The following DYM variants were observed in gnomAD, a reference collection of about 807,000 sequenced individuals.
The protein encoded by DYM is dyggve-Melchior-Clausen syndrome protein.
DYM carries 78 observed loss-of-function variants against 93.1 expected under a neutral mutation model. The observed-to-expected ratio is 0.84, with a 90% CI of 0.70 to 1.01. The LOEUF is 1.01. DYM is among the 50% of genes least tolerant of loss of function. The pLI is 0.00. For missense variants in DYM, 789 were observed against 845.0 expected (o/e 0.93, Z 0.82); for synonymous variants, 321 against 319.7 (o/e 1.00, Z -0.04).
At chr18:49,383,817 C>A (rs111520366) in intron 3 of DYM, among the ~76,000 whole-genome samples, 26 of 152,284 alleles carry the variant, frequency 1.7e-4, no homozygotes, top group African/African-American at 5.3e-4. Context: ...ATAGTAGGTG[C>A]TCCATAAATA....
At chr18:49,292,351 G>GACACACAC (rs1293664967) in intron 8 of DYM, among the ~76,000 whole-genome samples, 25 of 106,686 alleles carry the variant, frequency 2.3e-4, no homozygotes, top group South Asian at 7.1e-4. Context: ...CAGACAGACA[G>GACACACAC]ACAGACACAC....
intron 13 of DYM, among the ~76,000 whole-genome samples, chr18:49,241,967 C>G (rs2094022489): frequency 6.6e-6 from 1 of 152,194 alleles, no homozygotes; most frequent in African/African-American, 2.4e-5. Context: ...TGCGAGTTAT[C>G]AACCATTTTC....
At chr18:49,156,458 G>C (rs189584408) in intron 15 of DYM, among the ~76,000 whole-genome samples, 2 of 151,988 alleles carry the variant, frequency 1.3e-5, no homozygotes, top group African/African-American at 4.8e-5. Flanking sequence ...ATGGCCAGGC[G>C]TGGTGGCTCA....
At chr18:49,304,154 A>G (rs924217912) in intron 8 of DYM, among the ~76,000 whole-genome samples, 12 of 152,166 alleles carry the variant, frequency 7.9e-5, no homozygotes, top group African/African-American at 1.9e-4. Context: ...TCCCTGGTTA[A>G]CCCTACACAA....
chr18:49,166,756 T>C (rs1208446818), intron 14 of DYM, among the ~76,000 whole-genome samples: 1 of 152,106 alleles, frequency 6.6e-6, no homozygotes, highest in African/African-American at 2.4e-5. Context: ...TAAAAGAACT[T>C]TGGGTAGTCA....
At chr18:49,185,532 T>C (rs1038830399) in intron 14 of DYM, among the ~76,000 whole-genome samples, 33 of 152,202 alleles carry the variant, frequency 2.2e-4, no homozygotes, top group African/African-American at 7.2e-4. Context: ...TACTGAAATA[T>C]TGCTAGAAAT....
chr18:49,391,495 A>G, intron 3 of DYM, 98 bp downstream of exon 3: 4 of 1,225,928 alleles, frequency 3.3e-6, no homozygotes, highest in Non-Finnish European at 4.8e-6. Flanking sequence ...ATTGCTATCA[A>G]AGAAGAGTAA....
chr18:49,332,494 T>C (rs962026531), intron 7 of DYM, among the ~76,000 whole-genome samples: 4 of 152,134 alleles, frequency 2.6e-5, no homozygotes, highest in Non-Finnish European at 5.9e-5. Flanking sequence ...TATCTGGCAA[T>C]TGAAGGGAAG....
At chr18:49,112,486 T>A (rs1236889365) in intron 16 of DYM, among the ~76,000 whole-genome samples, 1 of 152,136 alleles carries the variant, frequency 6.6e-6, no homozygotes. Flanking sequence ...GAGGGGTGGG[T>A]GGGCCGATGA....
chr18:49,121,840 A>G (rs1445952005), intron 15 of DYM, among the ~76,000 whole-genome samples: 1 of 152,218 alleles, frequency 6.6e-6, no homozygotes, highest in Non-Finnish European at 1.5e-5. Context: ...TCAAATATGA[A>G]GGTCAAAAAA....
rs888675915 is a variant in DYM, at chr18:49,164,275, G to C, written c.1626-488C>G. 2.0e-5 allele frequency among the ~76,000 whole-genome samples: 3 copies of C among 151,940 alleles called. No individual in the cohort carries two copies. In the East Asian group the frequency reaches 5.8e-4, roughly 29 times the overall value. The stretch of plus-strand genomic sequence containing the variant: ...ATTCAAAATGTTTTATAAGATTTCT[G>C]CTTCTGGCCATGACAGATTAACTGA... On this transcript the variant is annotated intron_variant, in intron 14 of 17. Coordinates refer to ENST00000675505, the MANE Select transcript of DYM (RefSeq NM_001353214.3).
chr18:49,185,536 T>C (rs2090355075), intron 14 of DYM, among the ~76,000 whole-genome samples: 1 of 152,210 alleles, frequency 6.6e-6, no homozygotes, highest in South Asian at 2.1e-4. Flanking sequence ...GAAATATTGC[T>C]AGAAATAAAA....
intron 6 of DYM, among the ~76,000 whole-genome samples, chr18:49,338,272 A>G (rs1268404399): frequency 3.3e-5 from 5 of 152,214 alleles, no homozygotes; most frequent in African/African-American, 1.2e-4. Context: ...TAGGACATCT[A>G]TGAAGAAAAA....
chr18:49,303,248 G>T (rs961237523), intron 8 of DYM, among the ~76,000 whole-genome samples: 11 of 152,226 alleles, frequency 7.2e-5, no homozygotes, highest in African/African-American at 2.6e-4. Context: ...TTTCTTTATG[G>T]TTCATTCCTT....
At chr18:49,237,581 C>A (rs1028922810) in intron 13 of DYM, among the ~76,000 whole-genome samples, 6 of 152,016 alleles carry the variant, frequency 3.9e-5, no homozygotes, top group Non-Finnish European at 8.8e-5. Context: ...ATTTTTGAAT[C>A]ATTTATTCTA....
chr18:49,373,029 G>A (rs938406799), intron 5 of DYM, among the ~76,000 whole-genome samples: 3 of 152,104 alleles, frequency 2.0e-5, no homozygotes, highest in Admixed American at 1.3e-4. Flanking sequence ...GGTGGGGGGT[G>A]CAGGGATACT....
intron 2 of DYM, among the ~76,000 whole-genome samples, chr18:49,402,210 G>A (rs949814285): frequency 9.2e-5 from 14 of 152,142 alleles, no homozygotes; most frequent in African/African-American, 3.4e-4. Flanking sequence ...AGGTTGCAGA[G>A]AAGACTGGTA....
At chr18:49,354,221 A>G (rs975418401) in intron 6 of DYM, among the ~76,000 whole-genome samples, 2 of 152,094 alleles carry the variant, frequency 1.3e-5, no homozygotes, top group Non-Finnish European at 2.9e-5. Context: ...CACATGCAAA[A>G]AAAAGACAGA....
intron 14 of DYM, among the ~76,000 whole-genome samples, chr18:49,177,575 C>T (rs1453693798): frequency 1.3e-5 from 2 of 151,996 alleles, no homozygotes; most frequent in Non-Finnish European, 2.9e-5. Flanking sequence ...CTGGTAAATG[C>T]CTTTTTTCAA....
Sources: gnomAD v4.1 joint callset for allele counts (sites outside exome capture counted in the v4.1 genomes callset) on GRCh38, gnomAD v4.1.1 for gene constraint, MANE v1.5 for transcripts, NCBI Gene and HGNC (gene_info 2026-07-23, HGNC 2026-07-21) for gene names.